STEAP4: variants seen among roughly 807,000 people sequenced by gnomAD.
STEAP4 encodes metalloreductase STEAP4.
In STEAP4, 36 loss-of-function variants were observed where a neutral mutation model predicts 43.6. The ratio of observed to expected loss-of-function variants is 0.83; its 90% CI spans 0.63 to 1.09. STEAP4 has a LOEUF of 1.09. Among genes scored for constraint, STEAP4 ranks in the 50% least tolerant of loss-of-function variants. The pLI is 0.00. For missense variants in STEAP4, 495 were observed against 546.5 expected, an observed-to-expected ratio of 0.91 and a Z score of 0.94; for synonymous variants, 191 against 196.7, an observed-to-expected ratio of 0.97 and a Z score of 0.24.
intron 3 of STEAP4, chr7:88,282,399 G>A (rs962462981): frequency 1.1e-4 from 56 of 505,034 alleles, no homozygotes; most frequent in African/African-American, 9.4e-4. Flanking sequence ...CACCTGCCTC[G>A]GAATCCCAAA....
At chr7:88,289,301 G>C (rs1426660652) in intron 1 of STEAP4, among the ~76,000 whole-genome samples, 1 of 152,136 alleles carries the variant, frequency 6.6e-6, no homozygotes, top group East Asian at 1.9e-4. Context: ...AACCAATGGA[G>C]AAGAGTAAGA....
intron 1 of STEAP4, among the ~76,000 whole-genome samples, chr7:88,295,152 G>A (rs1236410762): frequency 6.6e-6 from 1 of 152,068 alleles, no homozygotes; most frequent in Non-Finnish European, 1.5e-5. Context: ...GCTGGGATCC[G>A]TCATTAGATA....
In STEAP4 at chr7:88,270,905, A is replaced by G. The variant is rs1000783895; in HGVS notation, c.*8493T>C. 29 of 152,100 alleles carry G rather than the reference A, an allele frequency of 1.9e-4. No homozygotes were observed. The highest frequency in any genetic ancestry group is 3.4e-4 in the Non-Finnish European group (23 of 67,984). 9.4% of individuals were successfully genotyped at this position (152,100 alleles called of 1,614,324 possible). A position where few individuals can be genotyped will look rare whatever the true frequency, so the allele number is the denominator to read the frequency against. Reference sequence around the variant, plus strand: ...TACTTTAAAAAATTTTTTGTTTATAATTTTTTAATTAAAAATTTTTAATTG... The same window carrying G: ...TACTTTAAAAAATTTTTTGTTTATAGTTTTTTAATTAAAAATTTTTAATTG... On this transcript the variant is annotated 3_prime_UTR_variant, in exon 5 of 5. Coordinates refer to ENST00000380079, the MANE Select transcript of STEAP4 (RefSeq NM_024636.4).
In STEAP4 at chr7:88,282,837, A is replaced by T. The variant is rs1423892654; in HGVS notation, c.788T>A (p.Val263Asp). Reference protein sequence around the residue: ...TLLALVYLPGVIAAILQLYRG... With the variant: ...TLLALVYLPGDIAAILQLYRG... ...GTACAGTTGTAGAATGGCAGCAATAACACCAGGGAGGTAAACCAAAGCAAG... is the reference window on the plus strand; with the variant it reads ...GTACAGTTGTAGAATGGCAGCAATATCACCAGGGAGGTAAACCAAAGCAAG... The change falls in exon 3 of 5, where the codon GTT becomes GAT. Residue 263 changes from valine to aspartate, a missense_variant. Physicochemically the swap from Val to Asp is radical, Grantham distance 152. Transcript: ENST00000380079. The T allele has an allele frequency of 6.2e-7, 1 of 1,614,196 alleles. No homozygotes were observed. The highest frequency in any genetic ancestry group is 8.5e-7 in the Non-Finnish European group (1 of 1,180,048).
intron 1 of STEAP4, among the ~76,000 whole-genome samples, chr7:88,298,508 CA>C (rs1852969840): frequency 1.3e-5 from 2 of 150,854 alleles, no homozygotes; most frequent in Non-Finnish European, 3.0e-5. Flanking sequence ...CACACACACA[CA>C]CCTTTTACTC....
At chr7:88,281,275 T>C (rs1225880422) in intron 3 of STEAP4, among the ~76,000 whole-genome samples, 196 bp from the exon 4 acceptor site, 1 of 152,256 alleles carries the variant, frequency 6.6e-6, no homozygotes, top group Admixed American at 6.5e-5. Flanking sequence ...TAATTGGTTC[T>C]GTTTGGACTT....
intron 1 of STEAP4, among the ~76,000 whole-genome samples, chr7:88,297,975 G>C (rs1852954426): frequency 6.6e-6 from 1 of 152,080 alleles, no homozygotes; most frequent in Non-Finnish European, 1.5e-5. Flanking sequence ...TATTTTATAA[G>C]AAAGTGTTGA....
intron 3 of STEAP4, 31 bp downstream of exon 3, chr7:88,282,610 A>C: frequency 6.3e-7 from 1 of 1,578,472 alleles, no homozygotes; most frequent in South Asian, 1.1e-5. Flanking sequence ...TGATTTCAGG[A>C]GCAGAAGAAA....
intron 2 of STEAP4, 115 bp from the exon 3 acceptor site, chr7:88,283,283 T>C: frequency 9.1e-7 from 1 of 1,102,022 alleles, no homozygotes; most frequent in Non-Finnish European, 1.2e-6. Context: ...GTGAACCGAT[T>C]TTAAAATAAG....
intron 1 of STEAP4, among the ~76,000 whole-genome samples, chr7:88,299,225 T>C (rs1295932847): frequency 6.6e-6 from 1 of 152,228 alleles, no homozygotes; most frequent in African/African-American, 2.4e-5. Context: ...CATTAATACA[T>C]GTTGCCACAT....
At chr7:88,286,441 T>C (rs746697383) in intron 1 of STEAP4, among the ~76,000 whole-genome samples, 9 of 152,220 alleles carry the variant, frequency 5.9e-5, no homozygotes, top group Non-Finnish European at 1.3e-4. Context: ...TCTAATTTTT[T>C]TTTTTAAACT....
chr7:88,281,158 G>T, intron 3 of STEAP4, 79 bp from the exon 4 acceptor site: 1 of 1,202,520 alleles, frequency 8.3e-7, no homozygotes. Flanking sequence ...TTGACAGTGG[G>T]CACAAATTAT....
At chr7:88,294,761 A>G (rs1486714851) in intron 1 of STEAP4, among the ~76,000 whole-genome samples, 2 of 152,154 alleles carry the variant, frequency 1.3e-5, no homozygotes, top group East Asian at 3.8e-4. Context: ...ATAAAAATAT[A>G]TAAATACCTA....
rs1315632375 is a variant in STEAP4 at position 88,276,375 on chromosome 7, A to G, written c.*3023T>C. On this transcript the variant is annotated 3_prime_UTR_variant, in exon 5 of 5. Coordinates refer to ENST00000380079, the MANE Select transcript of STEAP4 (RefSeq NM_024636.4). ...CTACTGTGATTCAAAACCTTTTAGT[A>G]ACTTTATTTGGAATGCTGATGAGTT... 1 of 152,240 alleles carries G rather than the reference A, an allele frequency of 6.6e-6. No individual in the cohort carries two copies. The highest frequency in any genetic ancestry group is 1.5e-5 in the Non-Finnish European group (1 of 68,036). 9.4% of individuals were successfully genotyped at this position (152,240 alleles called of 1,614,324 possible).
In STEAP4 at chr7:88,279,494, G is replaced by A. The variant is rs1852575397; in HGVS notation, c.1284C>T (p.Cys428=). 2 of 1,614,046 alleles carry A rather than the reference G, an allele frequency of 1.2e-6. No individual in the cohort carries two copies. The highest frequency in any genetic ancestry group is 1.7e-6 in the Non-Finnish European group (2 of 1,180,032). The change falls in exon 5 of 5, where the codon TGC becomes TGT. Residue 428 remains cysteine, a synonymous_variant. Transcript: ENST00000380079. ...AAYVLGLIIP[C]TVLVIKFVLI... ...GGACAAACTTGATCACCAGCACAGT[G>A]CAAGGAATGATAAGCCCTAACACGT...
chr7:88,297,168 T>C (rs1169320450), intron 1 of STEAP4, among the ~76,000 whole-genome samples: 2 of 152,142 alleles, frequency 1.3e-5, no homozygotes, highest in African/African-American at 4.8e-5. Context: ...TGCTATTCTA[T>C]AGGTTGAGGG....
chr7:88,294,398 GA>G lies in STEAP4; in HGVS notation c.-2-10128del, dbSNP rs796944370. On this transcript the variant is annotated intron_variant, in intron 1 of 4. Transcript: ENST00000380079. ...TATGTATATGCAAGTAACTTAAAAT[GA>G]AAAAAAAAAATCTGAAATCCAAAAC... 1.3e-3 allele frequency among the ~76,000 whole-genome samples: 187 copies of G among 146,770 alleles called. 2 individuals carry two copies. The highest frequency in any genetic ancestry group is 2.9e-3 in the African/African-American group (118 of 40,360).
chr7:88,287,629 G>A (rs902424172), intron 1 of STEAP4, among the ~76,000 whole-genome samples: 12 of 152,160 alleles, frequency 7.9e-5, no homozygotes, highest in African/African-American at 2.9e-4. Context: ...TTATAGAGGG[G>A]ATCGCAGAAG....
chr7:88,303,184 T>TTA (rs1254029686), intron 1 of STEAP4, among the ~76,000 whole-genome samples: 1 of 101,700 alleles, frequency 9.8e-6, no homozygotes, highest in Admixed American at 1.1e-4. Context: ...TAATCTGCAT[T>TTA]AAAAAAAAAA....
Sources: gnomAD v4.1 joint callset for allele counts (sites outside exome capture counted in the v4.1 genomes callset) on GRCh38, gnomAD v4.1.1 for gene constraint, MANE v1.5 for transcripts, NCBI Gene and HGNC (gene_info 2026-07-23, HGNC 2026-07-21) for gene names.